Variants in APOBEC3C observed in about 807,000 individuals in gnomAD.
APOBEC3C encodes apolipoprotein B mRNA editing enzyme catalytic subunit 3C.
In APOBEC3C, 14 loss-of-function variants were observed where a neutral mutation model predicts 20.6. The ratio of observed to expected loss-of-function variants is 0.68; its 90% CI spans 0.45 to 1.06. The LOEUF (loss-of-function observed/expected upper bound fraction) is 1.06, where lower values mean the gene tolerates loss of function less well. APOBEC3C is among the 50% of genes least tolerant of loss of function. APOBEC3C has a pLI of 0.00. For synonymous variants in APOBEC3C, 98 were observed against 88.8 expected (o/e 1.10, Z -0.58); for missense variants, 244 against 241.9 (o/e 1.01, Z -0.06).
In APOBEC3C at chr22:39,019,402, C is replaced by T. The variant is rs1924935188; in HGVS notation, c.*1015C>T. 1 of 152,212 alleles carries T rather than the reference C, an allele frequency of 6.6e-6. No homozygotes were observed. Among genetic ancestry groups the T allele is most frequent in the Non-Finnish European group, 1.5e-5 (1 of 68,042 alleles). 9.4% of individuals were successfully genotyped at this position (152,212 alleles called of 1,614,324 possible). ...TCTATAATTGCCATCTCTTTGCTCT[C>T]TCAACATGGTGAACACCATCCGGAC... On this transcript the variant is annotated 3_prime_UTR_variant, in exon 4 of 4. Coordinates refer to ENST00000361441, the MANE Select transcript of APOBEC3C (RefSeq NM_014508.3).
At position 39,018,868 on chromosome 22, in the gene APOBEC3C, T is replaced by G; in HGVS notation, c.*481T>G. The G allele has an allele frequency of 6.7e-6, 1 of 149,868 alleles. No individual in the cohort carries two copies. Among genetic ancestry groups the G allele is most frequent in the Non-Finnish European group, 1.4e-5 (1 of 69,452 alleles). 9.3% of individuals were successfully genotyped at this position (149,868 alleles called of 1,614,324 possible). On this transcript the variant is annotated 3_prime_UTR_variant, in exon 4 of 4. Transcript: ENST00000361441. ...AAAGCCAGATGTGGTGGCATGCATC[T>G]GTAGTCCAAGCTACTTGGGAGGCTG...
Position 39,019,052 on chromosome 22 carries a change from C to T in APOBEC3C, c.*665C>T, listed in dbSNP as rs999270579. The T allele has an allele frequency of 3.3e-5, 5 of 151,998 alleles. No individual in the cohort carries two copies. The highest frequency in any genetic ancestry group is 1.9e-4 in the East Asian group (1 of 5,188). 9.4% of individuals were successfully genotyped at this position (151,998 alleles called of 1,614,324 possible). A position where few individuals can be genotyped will look rare whatever the true frequency, so the allele number is the denominator to read the frequency against. ...TGTGAATATATGTAAGTTGAAAACC[C>T]GAAGTTTTGAGAAACATCCTTTGTA... On this transcript the variant is annotated 3_prime_UTR_variant, in exon 4 of 4. Transcript: ENST00000361441.
At chr22:39,016,381 C>CCT (rs1555896941) in intron 2 of APOBEC3C, among the ~76,000 whole-genome samples, 6 of 122,888 alleles carry the variant, frequency 4.9e-5, no homozygotes, top group Admixed American at 3.5e-4. Flanking sequence ...TTCTTTTTTT[C>CCT]TTTTTTTTTT....
At position 39,018,403 on chromosome 22, in the gene APOBEC3C, C is replaced by A; in HGVS notation, c.*16C>A. On this transcript the variant is annotated 3_prime_UTR_variant, in exon 4 of 4. Coordinates refer to ENST00000361441, the MANE Select transcript of APOBEC3C (RefSeq NM_014508.3). The stretch of plus-strand genomic sequence containing the variant: ...TCTCCAGTGAGGGGTCTCCCTGGGC[C>A]TCATGGTCTGTCTCCTCTAGCCTCC... 6.2e-7 allele frequency: 1 copy of A among 1,610,852 alleles called. No individual in the cohort carries two copies. Among genetic ancestry groups the A allele is most frequent in the South Asian group, 1.1e-5 (1 of 90,932 alleles).
Position 39,019,862 on chromosome 22 carries a change from A to G in APOBEC3C, c.*1475A>G, listed in dbSNP as rs1367462622. On this transcript the variant is annotated 3_prime_UTR_variant, in exon 4 of 4. Transcript: ENST00000361441. ...CTCCTCTTGTCCAGGCTGGAATGCA[A>G]TGGCACAATCTGGACTCACTGCAAC... 1 of 137,576 alleles carries G rather than the reference A, an allele frequency of 7.3e-6. No homozygotes were observed. Among genetic ancestry groups the G allele is most frequent in the East Asian group, 2.2e-4 (1 of 4,636 alleles). 8.5% of individuals were successfully genotyped at this position (137,576 alleles called of 1,614,324 possible).
chr22:39,015,500 C>T, intron 1 of APOBEC3C, 95 bp from the exon 2 acceptor site: 1 of 1,437,894 alleles, frequency 7.0e-7, no homozygotes, highest in Non-Finnish European at 9.4e-7. Flanking sequence ...GGCCCAGAGC[C>T]CAGGGACGTC....
At chr22:39,018,156 G>A (rs922314222) in intron 3 of APOBEC3C, 111 bp downstream of exon 3, 9 of 1,570,458 alleles carry the variant, frequency 5.7e-6, no homozygotes, top group Non-Finnish European at 6.9e-6. Flanking sequence ...TGTGGGGACC[G>A]GGCCAGCGCC....
chr22:39,017,634 C>T, intron 2 of APOBEC3C, 132 bp from the exon 3 acceptor site: 1 of 1,205,518 alleles, frequency 8.3e-7, no homozygotes. Context: ...AGAGAGAGAC[C>T]CTGTCTCAAA....
chr22:39,019,977 G>A lies in APOBEC3C; in HGVS notation c.*1590G>A, dbSNP rs1359452397. 2 of 151,876 alleles carry A rather than the reference G, an allele frequency of 1.3e-5. No individual in the cohort carries two copies. The highest frequency in any genetic ancestry group is 2.1e-4 in the South Asian group (1 of 4,806). The allele number at this position is 151,876 out of a possible 1,614,324, so 9.4% of individuals were successfully genotyped here. A position where few individuals can be genotyped will look rare whatever the true frequency, so the allele number is the denominator to read the frequency against. ...ACACCTGGTTAATTTTGTAGTTTTA[G>A]TAGAGATGGGGTCTCACCATGTTGG... On this transcript the variant is annotated 3_prime_UTR_variant, in exon 4 of 4. Coordinates refer to ENST00000361441, the MANE Select transcript of APOBEC3C (RefSeq NM_014508.3).
chr22:39,015,837 G>A (rs925658379), intron 2 of APOBEC3C, 86 bp downstream of exon 2: 106 of 1,403,570 alleles, frequency 7.6e-5, no homozygotes, highest in South Asian at 3.9e-4. Flanking sequence ...TGTGCCCGGC[G>A]TGGGCTCTCC....
Position 39,014,383 on chromosome 22 carries a change from C to A in APOBEC3C, c.17+4C>A. The stretch of plus-strand genomic sequence containing the variant: ...TGAACATGAATCCACAGATCAGGTA[C>A]CTCTGCACGCTTTGTCCGCCAGGCC... On this transcript the variant is annotated splice_donor_region_variant and intron_variant, in intron 1 of 3. Transcript: ENST00000361441. 2 of 1,614,166 alleles carry A rather than the reference C, an allele frequency of 1.2e-6. No individual in the cohort carries two copies. Among genetic ancestry groups the A allele is most frequent in the South Asian group, 2.2e-5 (2 of 91,086 alleles).
Position 39,014,355 on chromosome 22 carries a change from G to A in APOBEC3C, c.-8G>A. The A allele has an allele frequency of 1.2e-6, 2 of 1,614,184 alleles. No homozygotes were observed. Among genetic ancestry groups the A allele is most frequent in the Non-Finnish European group, 1.7e-6 (2 of 1,180,020 alleles). On this transcript the variant is annotated 5_prime_UTR_variant, in exon 1 of 4. Transcript: ENST00000361441. ...GGGACAGGGACAAGCATATCTAAGAGGCTGAACATGAATCCACAGATCAGG... is the reference window on the plus strand; with the variant it reads ...GGGACAGGGACAAGCATATCTAAGAAGCTGAACATGAATCCACAGATCAGG...
At chr22:39,014,767 G>C (rs1161142048) in intron 1 of APOBEC3C, among the ~76,000 whole-genome samples, 1 of 152,126 alleles carries the variant, frequency 6.6e-6, no homozygotes, top group African/African-American at 2.4e-5. Flanking sequence ...TCAGCGCTTT[G>C]GTGCAATTTC....
intron 3 of APOBEC3C, 106 bp from the exon 4 acceptor site, chr22:39,018,163 C>CTG (rs1924870971): frequency 3.5e-5 from 55 of 1,567,384 alleles, no homozygotes; most frequent in Non-Finnish European, 4.5e-5. Context: ...ACCGGGCCAG[C>CTG]GCCCACTGCA....
intron 1 of APOBEC3C, among the ~76,000 whole-genome samples, 160 bp from the exon 2 acceptor site, chr22:39,015,435 G>A (rs981054523): frequency 2.6e-5 from 4 of 151,944 alleles, no homozygotes; most frequent in South Asian, 2.1e-4. Context: ...CTCTCTCCCC[G>A]TCTTCCTGCC....
chr22:39,016,285 C>T (rs552676697), intron 2 of APOBEC3C, among the ~76,000 whole-genome samples: 14 of 147,930 alleles, frequency 9.5e-5, no homozygotes, highest in East Asian at 8.1e-4. Context: ...CTGCAAGCTC[C>T]GCCTCCCGGG....
At chr22:39,017,639 C>T in intron 2 of APOBEC3C, 127 bp from the exon 3 acceptor site, 1 of 1,261,150 alleles carries the variant, frequency 7.9e-7, no homozygotes, top group East Asian at 2.3e-5. Context: ...GAGACCCTGT[C>T]TCAAAAATGA....
intron 1 of APOBEC3C, 27 bp from the exon 2 acceptor site, chr22:39,015,568 A>T (rs375901753): frequency 6.2e-7 from 1 of 1,611,284 alleles, no homozygotes; most frequent in Non-Finnish European, 8.5e-7. Context: ...GGGTCTCTGC[A>T]TTGGGGTTTC....
At chr22:39,017,726 T>C in intron 2 of APOBEC3C, 40 bp from the exon 3 acceptor site, 2 of 1,595,312 alleles carry the variant, frequency 1.3e-6, no homozygotes, top group South Asian at 1.1e-5. Context: ...CTCCTGCTCC[T>C]GGTCTGAGCT....
Sources: gnomAD v4.1 joint callset for allele counts (sites outside exome capture counted in the v4.1 genomes callset) on GRCh38, gnomAD v4.1.1 for gene constraint, MANE v1.5 for transcripts, NCBI Gene and HGNC (gene_info 2026-07-23, HGNC 2026-07-21) for gene names.